Variants in XPC observed in about 807,000 individuals in gnomAD.
XPC encodes XPC complex subunit, DNA damage recognition and repair factor.
In XPC, 76 loss-of-function variants were observed where a neutral mutation model predicts 95.8. The ratio of observed to expected loss-of-function variants is 0.79; its 90% CI spans 0.66 to 0.96. The LOEUF (loss-of-function observed/expected upper bound fraction) is 0.96, where lower values mean the gene tolerates loss of function less well. Among genes scored for constraint, XPC ranks in the 40% least tolerant of loss-of-function variants. The probability of loss-of-function intolerance (pLI) is 0.00; values close to 1 mark genes in which losing one functional copy is unlikely to be tolerated. For synonymous variants in XPC, 442 were observed against 442.1 expected, an observed-to-expected ratio of 1.00 and a Z score of 0.00; for missense variants, 1,146 against 1,179.8, an observed-to-expected ratio of 0.97 and a Z score of 0.42.
chr3:14,162,095 A>C (rs1002164044), intron 7 of XPC, among the ~76,000 whole-genome samples: 2 of 152,216 alleles, frequency 1.3e-5, no homozygotes, highest in African/African-American at 4.8e-5. Flanking sequence ...AATTTAACCA[A>C]GGTAAAAGGC....
At position 14,156,325 on chromosome 3, in the gene XPC, C is replaced by T. The variant is rs1438531395; in HGVS notation, c.2033+10G>A. 1.2e-6 allele frequency: 2 copies of T among 1,607,846 alleles called. No homozygotes were observed. The highest frequency in any genetic ancestry group is 1.7e-5 in the Admixed American group (1 of 59,046). ...GAAGCCCCTGAGGCCAACCAGGCTG[C>T]CTCACGCACCTGGAGTAGACCGCTT... is the stretch of plus-strand genomic sequence containing the variant. On this transcript the variant is annotated intron_variant, in intron 10 of 15. Transcript: ENST00000285021.
intron 2 of XPC, 95 bp downstream of exon 2, chr3:14,172,772 G>A: frequency 7.4e-7 from 1 of 1,346,252 alleles, no homozygotes; most frequent in South Asian, 1.5e-5. Flanking sequence ...ATCTTCCATG[G>A]ACCCCAGTGA....
chr3:14,146,225 T>A, intron 15 of XPC, 66 bp from the exon 16 acceptor site: 4 of 1,455,934 alleles, frequency 2.7e-6, no homozygotes, highest in Non-Finnish European at 3.7e-6. Flanking sequence ...GGAAGCCCCA[T>A]GAAGAGGCAG....
intron 1 of XPC, among the ~76,000 whole-genome samples, chr3:14,176,918 T>C (rs998336451): frequency 7.9e-5 from 12 of 152,170 alleles, no homozygotes; most frequent in African/African-American, 2.2e-4. Context: ...CTGGCCAACA[T>C]GGCGAAACCC....
intron 1 of XPC, among the ~76,000 whole-genome samples, chr3:14,174,384 T>C (rs995415179): frequency 2.6e-5 from 4 of 152,230 alleles, no homozygotes; most frequent in African/African-American, 9.6e-5. Context: ...CAATGGTAGT[T>C]AGCCCTCTAA....
rs1223626818 is a variant in XPC at position 14,159,765 on chromosome 3, A to G, written c.966T>C (p.Ile322=). ...CCTTTGCTGTTGCTGACTTCAGAGG[A>G]ATTGGCTGTAGAGACAATACCAGCC... is the stretch of plus-strand genomic sequence containing the variant. The part of the protein sequence containing the change: ...LTRLVLSLQP[I]PLKSATAKGK... The change falls in exon 8 of 16, where the codon ATT becomes ATC. Residue 322 remains isoleucine (I), a synonymous_variant. Coordinates refer to ENST00000285021, the MANE Select transcript of XPC (RefSeq NM_004628.5). 1 of 1,563,700 alleles carries G rather than the reference A, an allele frequency of 6.4e-7. No individual in the cohort carries two copies. Among genetic ancestry groups the G allele is most frequent in the Non-Finnish European group, 8.7e-7 (1 of 1,153,680 alleles).
chr3:14,171,921 C>T (rs1696631393), intron 2 of XPC, among the ~76,000 whole-genome samples: 1 of 152,044 alleles, frequency 6.6e-6, no homozygotes, highest in African/African-American at 2.4e-5. Context: ...TCATGCTGTC[C>T]CGTGTCCCTT....
chr3:14,157,886 C>T, intron 9 of XPC, 125 bp downstream of exon 9: 2 of 1,338,356 alleles, frequency 1.5e-6, no homozygotes, highest in Non-Finnish European at 2.0e-6. Flanking sequence ...ATGGCTGTGA[C>T]AATTAAATGA....
Position 14,145,846 on chromosome 3 carries a change from C to A in XPC, c.*95G>T. The stretch of plus-strand genomic sequence containing the variant: ...TCAGTTTGCCTTCTCAGCAGAGAAG[C>A]CCCCACCACCAGGGGCTGGGCATGC... On this transcript the variant is annotated 3_prime_UTR_variant, in exon 16 of 16. Transcript: ENST00000285021. The A allele has an allele frequency of 6.8e-7, 1 of 1,465,872 alleles. No individual in the cohort carries two copies. Among genetic ancestry groups the A allele is most frequent in the Admixed American group, 1.9e-5 (1 of 53,392 alleles). The allele number at this position is 1,465,872 out of a possible 1,614,324, so 90.8% of individuals were successfully genotyped here. A position where few individuals can be genotyped will look rare whatever the true frequency, so the allele number is the denominator to read the frequency against.
chr3:14,151,839 G>T, intron 11 of XPC: 1 of 156,348 alleles, frequency 6.4e-6, no homozygotes, highest in South Asian at 1.9e-4. Context: ...TTTACTAACT[G>T]TGGGGACTTG....
chr3:14,158,534 C>T lies in XPC; in HGVS notation c.1349G>A (p.Gly450Glu). ...CTCATCAGAGGGATCAGAGGCTTCT[C>T]CACTGGAGAGCTCAAAATCAGAGCC... is the stretch of plus-strand genomic sequence containing the variant. The part of the protein sequence containing the change: ...GSGSDFELSS[G>E]EASDPSDEDS... The change falls in exon 9 of 16, where the codon GGA becomes GAA. Residue 450 changes from glycine to glutamate, a missense_variant. Coordinates refer to ENST00000285021, the MANE Select transcript of XPC (RefSeq NM_004628.5). The surrounding 1 kb of genome is among the most constrained non-coding windows in gnomAD (Gnocchi z 5.2). 1 of 1,613,492 alleles carries T rather than the reference C, an allele frequency of 6.2e-7. No homozygotes were observed. The highest frequency in any genetic ancestry group is 1.1e-5 in the South Asian group (1 of 91,062).
intron 7 of XPC, among the ~76,000 whole-genome samples, chr3:14,162,230 A>G (rs1291265876): frequency 1.3e-5 from 2 of 152,222 alleles, no homozygotes; most frequent in Non-Finnish European, 2.9e-5. Context: ...TAATCTACAG[A>G]TCAGTGCAGT....
chr3:14,161,928 T>A (rs1441897176), intron 7 of XPC, among the ~76,000 whole-genome samples: 1 of 151,960 alleles, frequency 6.6e-6, no homozygotes, highest in African/African-American at 2.4e-5. Flanking sequence ...AGAAAGCTAG[T>A]AGAGCTAATA....
At chr3:14,161,862 A>G (rs978097132) in intron 7 of XPC, among the ~76,000 whole-genome samples, 4 of 152,050 alleles carry the variant, frequency 2.6e-5, no homozygotes, top group Non-Finnish European at 4.4e-5. Flanking sequence ...AAGAAGTAAA[A>G]TGATCTACTC....
chr3:14,152,403 T>A lies in XPC; in HGVS notation c.2047A>T (p.Thr683Ser). The A allele has an allele frequency of 5.6e-6, 9 of 1,611,962 alleles. No individual in the cohort carries two copies. The highest frequency in any genetic ancestry group is 7.6e-6 in the Non-Finnish European group (9 of 1,179,096). ...AGCCACGTGTCCCTGGAATGCAGAG[T>A]GTGCACACAATCCCTGTGGAACCAA... is the stretch of plus-strand genomic sequence containing the variant. ...EAVYSRDCVH[T>S]LHSRDTWLKK... is the part of the protein sequence containing the mutation. The change falls in exon 11 of 16, where the codon ACT (threonine) becomes TCT (serine). Residue 683 changes from threonine to serine, a missense_variant. By Grantham distance (58) the Thr-to-Ser change is moderately conservative. Coordinates refer to ENST00000285021, the MANE Select transcript of XPC (RefSeq NM_004628.5).
At chr3:14,147,715 G>A (rs1321289143) in intron 14 of XPC, 193 bp downstream of exon 14, 3 of 610,480 alleles carry the variant, frequency 4.9e-6, no homozygotes, top group Non-Finnish European at 5.7e-6. Flanking sequence ...AGGCTCCTCA[G>A]GGACAGTGAT....
chr3:14,175,617 T>G (rs1220593992), intron 1 of XPC, among the ~76,000 whole-genome samples: 3 of 152,176 alleles, frequency 2.0e-5, no homozygotes, highest in Non-Finnish European at 2.9e-5. Flanking sequence ...TCACTGAAGG[T>G]GTTAACACAG....
At position 14,178,536 on chromosome 3, in the gene XPC, C is replaced by G. The variant is rs1696939718; in HGVS notation, c.33G>C (p.Pro11=). The change falls in exon 1 of 16, where the codon CCG becomes CCC. Residue 11 remains proline, a synonymous_variant. Coordinates refer to ENST00000285021, the MANE Select transcript of XPC (RefSeq NM_004628.5). ...TCTGGCTGCGCAGTTCGCGTCCCCG[C>G]GGCTCCCCGCCGGCCGCGCGTTTCC... MARKRAAGGE[P]RGRELRSQKS... 6.2e-7 allele frequency: 1 copy of G among 1,612,974 alleles called. No homozygotes were observed. Among genetic ancestry groups the G allele is most frequent in the Non-Finnish European group, 8.5e-7 (1 of 1,179,614 alleles).
chr3:14,164,700 G>C, intron 7 of XPC, 113 bp downstream of exon 7: 4 of 1,097,108 alleles, frequency 3.6e-6, no homozygotes, highest in Non-Finnish European at 5.2e-6. Flanking sequence ...GTCATTATGA[G>C]GACTGAATAA....
Sources: allele counts gnomAD v4.1 joint callset (sites outside exome capture counted in the v4.1 genomes callset), GRCh38; gene constraint gnomAD v4.1.1; non-coding constraint Gnocchi (gnomAD v3.1); transcripts MANE v1.5; gene names NCBI Gene and HGNC (gene_info 2026-07-23, HGNC 2026-07-21).